The following SLC23A1 variants were observed in gnomAD, a reference collection of about 807,000 sequenced individuals.
The protein encoded by SLC23A1 is solute carrier family 23 member 1.
A neutral mutation model predicts 62.5 loss-of-function variants in SLC23A1; 31 were observed. The observed-to-expected ratio is 0.50, with a 90% CI of 0.37 to 0.67. The LOEUF is 0.67. SLC23A1 is among the 30% of genes least tolerant of loss of function. The pLI is 0.00. For synonymous variants in SLC23A1, 271 were observed against 313.2 expected, an observed-to-expected ratio of 0.87 and a Z score of 1.42; for missense variants, 640 against 782.7, an observed-to-expected ratio of 0.82 and a Z score of 2.18.
Position 139,371,902 on chromosome 5 carries a change from C to G in SLC23A1, c.*19+85G>C, listed in dbSNP as rs373831922. 1.0e-5 allele frequency: 10 copies of G among 993,240 alleles called. No individual in the cohort carries two copies. The East Asian group carries it at 1.2e-4, about 12-fold the overall frequency. 61.5% of individuals were successfully genotyped at this position (993,240 alleles called of 1,614,324 possible). On this transcript the variant is annotated intron_variant, in intron 14 of 14. Coordinates refer to ENST00000348729, the MANE Select transcript of SLC23A1 (RefSeq NM_005847.5). ...TTCAAACAGTTTACAAGAAAGAGAA[C>G]TGAGTAGTTTGGTTTTTCTTTGGTT... is the stretch of plus-strand genomic sequence containing the variant.
chr5:139,375,089 T>C (rs1434439039), intron 13 of SLC23A1, among the ~76,000 whole-genome samples: 2 of 152,198 alleles, frequency 1.3e-5, no homozygotes, highest in East Asian at 3.8e-4. Flanking sequence ...AGAGACAGCC[T>C]CTGACACCTA....
Position 139,378,675 on chromosome 5 carries a change from G to A in SLC23A1, c.1083C>T (p.Phe361=), listed in dbSNP as rs886323791. ...PPVHAINRGI[F]TEGICCIIAG... ...CGATGATGCAGCAAATGCCTTCGGT[G>A]AAGATGCCCCTGTAAGGAAAGGGAG... The change falls in exon 10 of 15, where the codon TTC becomes TTT. Residue 361 remains phenylalanine, a synonymous_variant. Transcript: ENST00000348729. This position sits in a 1 kb window ranked among gnomAD's most constrained non-coding sequence, Gnocchi z 4.5. 6.8e-6 allele frequency: 11 copies of A among 1,608,012 alleles called. No homozygotes were observed. Among genetic ancestry groups the A allele is most frequent in the Admixed American group, 5.1e-5 (3 of 59,274 alleles).
chr5:139,374,789 C>G (rs1748525272), intron 13 of SLC23A1, among the ~76,000 whole-genome samples: 1 of 152,128 alleles, frequency 6.6e-6, no homozygotes, highest in South Asian at 2.1e-4. Flanking sequence ...ACTAGCCACC[C>G]AAGTCACAAA....
chr5:139,380,122 G>A, intron 6 of SLC23A1, 46 bp from the exon 7 acceptor site: 1 of 1,582,202 alleles, frequency 6.3e-7, no homozygotes, highest in South Asian at 1.1e-5. Flanking sequence ...GGCCAGGCTG[G>A]GGCCAGGAGC....
intron 14 of SLC23A1, among the ~76,000 whole-genome samples, chr5:139,371,481 T>C (rs1306376802): frequency 6.6e-6 from 1 of 152,244 alleles, no homozygotes; most frequent in Non-Finnish European, 1.5e-5. Context: ...TCAGGGCTTG[T>C]ACAGGCATCG....
intron 3 of SLC23A1, among the ~76,000 whole-genome samples, chr5:139,381,471 G>A (rs1352013914): frequency 6.6e-6 from 1 of 152,132 alleles, no homozygotes; most frequent in African/African-American, 2.4e-5. Flanking sequence ...GCGCATGCCT[G>A]TAATCCCAGC....
chr5:139,380,909 C>G (rs747898508), intron 3 of SLC23A1, 23 bp from the exon 4 acceptor site: 2 of 151,418 alleles, frequency 1.3e-5, no homozygotes, highest in Admixed American at 2.7e-4. Flanking sequence ...CACAAAGCAA[C>G]AGGGGTGGGG....
rs1757319633 is a variant in SLC23A1, at chr5:139,367,431, A to G, written c.*220T>C. ...TAAAGATTTAGAGACATAGCATAAC[A>G]TTGGTACAAGTCTCTAAGACTCAGA... On this transcript the variant is annotated 3_prime_UTR_variant, in exon 15 of 15. Coordinates refer to ENST00000348729, the MANE Select transcript of SLC23A1 (RefSeq NM_005847.5). 1 of 152,130 alleles carries G rather than the reference A, an allele frequency of 6.6e-6. No homozygotes were observed. The highest frequency in any genetic ancestry group is 6.6e-5 in the Admixed American group (1 of 15,264). 9.4% of individuals were successfully genotyped at this position (152,130 alleles called of 1,614,324 possible).
At chr5:139,368,590 C>T in intron 14 of SLC23A1, 1 of 610,504 alleles carries the variant, frequency 1.6e-6, no homozygotes, top group South Asian at 2.0e-5. Flanking sequence ...TCTGGTTCTT[C>T]CTTTTTGGGG....
At chr5:139,374,650 G>T (rs1757857687) in intron 13 of SLC23A1, among the ~76,000 whole-genome samples, 1 of 152,212 alleles carries the variant, frequency 6.6e-6, no homozygotes, top group Non-Finnish European at 1.5e-5. Flanking sequence ...AGACTGCTGA[G>T]CTTATGTGGC....
chr5:139,385,216 G>C (rs1758468091), upstream of SLC23A1, among the ~76,000 whole-genome samples: 7 of 152,188 alleles, frequency 4.6e-5, no homozygotes, highest in Admixed American at 4.6e-4. Context: ...AGAATGTTCT[G>C]TCTCTCTCCC....
rs749195104 is a variant in SLC23A1, at chr5:139,378,082, A to C, written c.1346T>G (p.Phe449Cys). 1.9e-6 allele frequency: 3 copies of C among 1,614,096 alleles called. No homozygotes were observed. The highest frequency in any genetic ancestry group is 1.7e-5 in the Admixed American group (1 of 60,004). ...GTTGCGAGAGGAGTTCATGTCCACA[A>C]ATTGCAGGTTGGACAGCCCCACAGC... ...ITAVGLSNLQ[F>C]VDMNSSRNLF... Residue 449 changes from phenylalanine (F) to cysteine (C), a missense_variant, in exon 12 of 15, where the codon TTT becomes TGT. Phe to Cys is a radical substitution (Grantham distance 205, BLOSUM62 -2). Coordinates refer to ENST00000348729, the MANE Select transcript of SLC23A1 (RefSeq NM_005847.5). This position sits in a 1 kb window ranked among gnomAD's most constrained non-coding sequence, Gnocchi z 4.5.
chr5:139,375,093 A>C (rs1362886467), intron 13 of SLC23A1, among the ~76,000 whole-genome samples: 1 of 152,196 alleles, frequency 6.6e-6, no homozygotes, highest in African/African-American at 2.4e-5. Context: ...ACAGCCTCTG[A>C]CACCTATGTT....
chr5:139,370,714 G>A (rs192181320), intron 14 of SLC23A1, among the ~76,000 whole-genome samples: 7 of 151,896 alleles, frequency 4.6e-5, no homozygotes, highest in Admixed American at 2.0e-4. Context: ...GGCTGGACTC[G>A]AACTCCTGAC....
At chr5:139,384,357 C>A (rs1561984295), upstream of SLC23A1, 1 of 1,285,368 alleles carries the variant, frequency 7.8e-7, no homozygotes, top group African/African-American at 1.5e-5. Flanking sequence ...AGCCCACCTA[C>A]TTCTGGGTCG....
At chr5:139,383,155 C>T (rs1758364177) in intron 1 of SLC23A1, 63 bp downstream of exon 1, 1 of 558,524 alleles carries the variant, frequency 1.8e-6, no homozygotes, top group Non-Finnish European at 2.9e-6. Flanking sequence ...AGAAGGCCTG[C>T]ACAGGCCCTC....
At chr5:139,370,544 A>G (rs1757596220) in intron 14 of SLC23A1, among the ~76,000 whole-genome samples, 1 of 151,314 alleles carries the variant, frequency 6.6e-6, no homozygotes. Context: ...CCAAGGCTGG[A>G]GTGCAGTCAT....
intron 14 of SLC23A1, chr5:139,369,514 G>A (rs1450494553): frequency 6.6e-6 from 1 of 152,562 alleles, no homozygotes; most frequent in Non-Finnish European, 1.5e-5. Flanking sequence ...TTTGAGTGGT[G>A]CTTTTCCTTG....
At chr5:139,373,985 T>C (rs1002649825) in intron 13 of SLC23A1, among the ~76,000 whole-genome samples, 1 of 152,130 alleles carries the variant, frequency 6.6e-6, no homozygotes, top group Non-Finnish European at 1.5e-5. Context: ...CTTCTGTACT[T>C]CTCCAAGCCC....
Sources: allele counts gnomAD v4.1 joint callset (sites outside exome capture counted in the v4.1 genomes callset), GRCh38; gene constraint gnomAD v4.1.1; non-coding constraint Gnocchi (gnomAD v3.1); transcripts MANE v1.5; gene names NCBI Gene and HGNC (gene_info 2026-07-23, HGNC 2026-07-21).